Variants in PRCP observed in about 807,000 individuals in gnomAD.
The protein encoded by PRCP is lysosomal Pro-X carboxypeptidase.
PRCP carries 46 observed loss-of-function variants against 54.2 expected under a neutral mutation model. That is an observed-to-expected ratio of 0.85 (90% CI 0.67 to 1.09). The LOEUF is 1.09. Ranked by LOEUF, PRCP falls within the 50% of genes least tolerant of loss-of-function variation. PRCP has a pLI of 0.00. For missense variants in PRCP, 613 were observed against 596.8 expected (o/e 1.03, Z -0.28); for synonymous variants, 240 against 212.2 (o/e 1.13, Z -1.14).
chr11:82,882,577 G>T (rs1333208152), intron 1 of PRCP, among the ~76,000 whole-genome samples: 7 of 143,602 alleles, frequency 4.9e-5, no homozygotes, highest in African/African-American at 1.7e-4. Context: ...CTCACTGCAA[G>T]CTCCGCCTCC....
At chr11:82,898,947 C>T in intron 1 of PRCP, among the ~76,000 whole-genome samples, 1 of 151,966 alleles carries the variant, frequency 6.6e-6, no homozygotes, top group African/African-American at 2.4e-5. Context: ...GAGTTCAAGA[C>T]CAGCCTAGGC....
chr11:82,866,737 T>C (rs1859345830), intron 1 of PRCP, among the ~76,000 whole-genome samples: 1 of 152,058 alleles, frequency 6.6e-6, no homozygotes, highest in Admixed American at 6.6e-5. Flanking sequence ...TTTTTTTTTT[T>C]TTGAGCCGGA....
At chr11:82,853,351 A>G (rs1053449680) in intron 2 of PRCP, 73 bp from the exon 3 acceptor site, 39 of 1,256,388 alleles carry the variant, frequency 3.1e-5, no homozygotes, top group African/African-American at 6.0e-5. Context: ...TTGGCAAACC[A>G]TATGGAATAG....
At chr11:82,869,178 A>G (rs1222836071) in intron 1 of PRCP, among the ~76,000 whole-genome samples, 1 of 152,044 alleles carries the variant, frequency 6.6e-6, no homozygotes, top group Non-Finnish European at 1.5e-5. Flanking sequence ...CAACATAGCA[A>G]GACCCTGTCT....
At chr11:82,884,811 A>G in intron 1 of PRCP, 2 of 1,611,802 alleles carry the variant, frequency 1.2e-6, no homozygotes, top group South Asian at 2.2e-5. Context: ...GAATGAAAAA[A>G]ATAACACCTA....
chr11:82,869,837 A>G (rs1453868568), intron 1 of PRCP, among the ~76,000 whole-genome samples: 1 of 152,202 alleles, frequency 6.6e-6, no homozygotes, highest in Non-Finnish European at 1.5e-5. Flanking sequence ...CTGTAGTTGG[A>G]TGTGCCTTTT....
chr11:82,899,449 C>G (rs1208828667), intron 1 of PRCP, among the ~76,000 whole-genome samples: 1 of 152,192 alleles, frequency 6.6e-6, no homozygotes, highest in Non-Finnish European at 1.5e-5. Context: ...TAATCCCAAC[C>G]TTTTCCAAAT....
intron 7 of PRCP, 115 bp downstream of exon 7, chr11:82,839,146 A>G: frequency 9.3e-7 from 1 of 1,070,680 alleles, no homozygotes; most frequent in Non-Finnish European, 1.4e-6. Flanking sequence ...AAGGTAACAG[A>G]GCCCAAAACT....
chr11:82,833,838 C>A (rs1048280146), intron 8 of PRCP, among the ~76,000 whole-genome samples: 1 of 152,102 alleles, frequency 6.6e-6, no homozygotes, highest in African/African-American at 2.4e-5. Context: ...GCTCATTCTA[C>A]CTTTGTATAG....
intron 8 of PRCP, among the ~76,000 whole-genome samples, chr11:82,831,850 C>T (rs554649208): frequency 1.3e-5 from 2 of 152,204 alleles, no homozygotes; most frequent in African/African-American, 4.8e-5. Flanking sequence ...AGGTATTTCT[C>T]CTAATGCTAT....
At chr11:82,888,626 T>C (rs1555019644) in intron 1 of PRCP, among the ~76,000 whole-genome samples, 1 of 152,158 alleles carries the variant, frequency 6.6e-6, no homozygotes, top group Non-Finnish European at 1.5e-5. Context: ...CCTTTCTCTG[T>C]AGATATGTTG....
chr11:82,885,260 T>C (rs771249989), intron 1 of PRCP, among the ~76,000 whole-genome samples: 12 of 152,224 alleles, frequency 7.9e-5, no homozygotes, highest in Admixed American at 7.2e-4. Flanking sequence ...TATACATTCC[T>C]CATTGTATAA....
intron 8 of PRCP, chr11:82,827,655 CTGTAGCTTTGTAATAAGTTTGA>C (rs1858271284): frequency 1.3e-5 from 2 of 152,154 alleles, no homozygotes; most frequent in Admixed American, 1.3e-4. Flanking sequence ...ACTGTATTGA[CTGTAGCTTTGTAATAAGTTTGA>C]AATCAGGAAG....
intron 1 of PRCP, among the ~76,000 whole-genome samples, chr11:82,874,840 G>A (rs765346529): frequency 2.0e-5 from 3 of 152,072 alleles, no homozygotes; most frequent in African/African-American, 4.8e-5. Flanking sequence ...CCACACAGCC[G>A]TCTACCCTGT....
At chr11:82,867,284 G>A (rs987476777) in intron 1 of PRCP, among the ~76,000 whole-genome samples, 52 of 152,194 alleles carry the variant, frequency 3.4e-4, no homozygotes, top group African/African-American at 1.1e-3. Flanking sequence ...AAATTCTGCA[G>A]TGCTTAATAA....
intron 1 of PRCP, among the ~76,000 whole-genome samples, chr11:82,884,175 G>T (rs548715973): frequency 3.5e-4 from 53 of 152,306 alleles, no homozygotes; most frequent in African/African-American, 1.3e-3. Flanking sequence ...GCCATTGTTT[G>T]GGTTGTAGTT....
chr11:82,883,475 C>T (rs1453780622), intron 1 of PRCP, among the ~76,000 whole-genome samples: 1 of 152,050 alleles, frequency 6.6e-6, no homozygotes, highest in East Asian at 1.9e-4. Flanking sequence ...TAATAAATAA[C>T]AATAAATAAT....
Position 82,859,808 on chromosome 11 carries a change from G to A in PRCP, c.309+169C>T, listed in dbSNP as rs12290969. On this transcript the variant is annotated intron_variant, in intron 2 of 8. Coordinates refer to ENST00000313010, the MANE Select transcript of PRCP (RefSeq NM_005040.4). ...ATTCTTTTATGAACTTCCTATTCAT[G>A]TGCTTTTGCTATTTTTCTATTATTA... Among the ~76,000 whole-genome samples, 1,414 of 152,090 alleles carry A rather than the reference G, an allele frequency of 9.3e-3. 23 individuals are homozygous for A. The highest frequency in any genetic ancestry group is 0.031 in the African/African-American group (1,267 of 41,498).
chr11:82,828,380 T>C (rs1858294886), intron 8 of PRCP: 1 of 152,134 alleles, frequency 6.6e-6, no homozygotes, highest in Non-Finnish European at 1.5e-5. Context: ...GGTCTGCCTC[T>C]CATCTACCTA....
Sources: allele counts gnomAD v4.1 joint callset (sites outside exome capture counted in the v4.1 genomes callset), GRCh38; gene constraint gnomAD v4.1.1; transcripts MANE v1.5; gene names NCBI Gene and HGNC (gene_info 2026-07-23, HGNC 2026-07-21).